NDRG3: variants seen among roughly 807,000 people sequenced by gnomAD.
NDRG3 encodes the protein protein NDRG3.
In NDRG3, 23 loss-of-function variants were observed where a neutral mutation model predicts 57.2. The ratio of observed to expected loss-of-function variants is 0.40; its 90% CI spans 0.29 to 0.57. The LOEUF (loss-of-function observed/expected upper bound fraction) is 0.57, where lower values mean the gene tolerates loss of function less well. Ranked by LOEUF, NDRG3 falls within the 20% of genes least tolerant of loss-of-function variation. The pLI is 0.42. For missense variants in NDRG3, 384 were observed against 457.3 expected (o/e 0.84, Z 1.46); for synonymous variants, 132 against 162.6 (o/e 0.81, Z 1.43).
chr20:36,670,460 A>T, intron 9 of NDRG3, among the ~76,000 whole-genome samples: 1 of 152,156 alleles, frequency 6.6e-6, no homozygotes, highest in East Asian at 1.9e-4. Flanking sequence ...GATGAAATAA[A>T]AGACTGTGGA....
At chr20:36,666,185 G>A (rs1242730073) in intron 10 of NDRG3, 104 bp downstream of exon 10, 33 of 827,170 alleles carry the variant, frequency 4.0e-5, no homozygotes, top group Non-Finnish European at 6.4e-5. Context: ...TTTTCACCTC[G>A]GAGAAGCTGG....
chr20:36,696,119 G>A lies in NDRG3; in HGVS notation c.94-7335C>T, dbSNP rs756771818. On this transcript the variant is annotated intron_variant, in intron 3 of 15. Coordinates refer to ENST00000349004, the MANE Select transcript of NDRG3 (RefSeq NM_032013.4). ...CTTCAACTTTGTTTTTTTTTGAGAT[G>A]GAGTTTCACTCTTGTTGCCCAGGCT... is the stretch of plus-strand genomic sequence containing the variant. Among the ~76,000 whole-genome samples, 137 of 152,056 alleles carry A rather than the reference G, an allele frequency of 9.0e-4. 1 individual carries two copies. Among genetic ancestry groups the A allele is most frequent in the Non-Finnish European group, 1.5e-3 (101 of 67,970 alleles).
At chr20:36,686,671 C>T (rs1164594601) in intron 5 of NDRG3, among the ~76,000 whole-genome samples, 1 of 152,198 alleles carries the variant, frequency 6.6e-6, no homozygotes, top group Non-Finnish European at 1.5e-5. Flanking sequence ...TAGGAGGAAG[C>T]TGAGAGTGCC....
chr20:36,736,024 T>C (rs1349923548), intron 1 of NDRG3, among the ~76,000 whole-genome samples: 3 of 120,652 alleles, frequency 2.5e-5, no homozygotes, highest in Non-Finnish European at 5.3e-5. Flanking sequence ...CCAAGAACAA[T>C]ATAGCTGGGA....
chr20:36,725,173 T>TCAG (rs1424433165), intron 1 of NDRG3, among the ~76,000 whole-genome samples: 1 of 152,056 alleles, frequency 6.6e-6, no homozygotes, highest in Non-Finnish European at 1.5e-5. Flanking sequence ...GGTGCACGCC[T>TCAG]GTAATCCCAG....
At chr20:36,713,515 T>C (rs1455169377) in intron 2 of NDRG3, among the ~76,000 whole-genome samples, 2 of 152,060 alleles carry the variant, frequency 1.3e-5, no homozygotes, top group African/African-American at 2.4e-5. Flanking sequence ...TTTCCTAACA[T>C]GAGATCTGGT....
At chr20:36,685,256 C>T (rs960854294) in intron 5 of NDRG3, among the ~76,000 whole-genome samples, 1 of 151,918 alleles carries the variant, frequency 6.6e-6, no homozygotes, top group Non-Finnish European at 1.5e-5. Context: ...TTATTTGTTT[C>T]ACTTAGGCAT....
chr20:36,735,907 G>T (rs1220189347), intron 1 of NDRG3, among the ~76,000 whole-genome samples: 1 of 151,098 alleles, frequency 6.6e-6, no homozygotes, highest in Non-Finnish European at 1.5e-5. Context: ...CCAGGGGGTG[G>T]AGGTTGCAGT....
In NDRG3 at chr20:36,721,772, A is replaced by G; in HGVS notation, c.-37T>C. The stretch of plus-strand genomic sequence containing the variant: ...ACGAGAGTAGAGGAATCTCAAGAAT[A>G]AATCAGTAACTCTGAAACAGAAAAG... On this transcript the variant is annotated 5_prime_UTR_variant, in exon 2 of 16. Transcript: ENST00000349004. 3 of 1,440,264 alleles carry G rather than the reference A, an allele frequency of 2.1e-6. No individual in the cohort carries two copies. The highest frequency in any genetic ancestry group is 2.9e-6 in the Non-Finnish European group (3 of 1,034,560). 89.2% of individuals were successfully genotyped at this position (1,440,264 alleles called of 1,614,324 possible).
At chr20:36,693,337 G>C (rs1982502895) in intron 3 of NDRG3, among the ~76,000 whole-genome samples, 1 of 150,786 alleles carries the variant, frequency 6.6e-6, no homozygotes, top group Non-Finnish European at 1.5e-5. Flanking sequence ...ACAAGGGTTA[G>C]TGGTGCCAAC....
At chr20:36,726,995 C>A (rs1279686682) in intron 1 of NDRG3, among the ~76,000 whole-genome samples, 1 of 151,416 alleles carries the variant, frequency 6.6e-6, no homozygotes, top group Non-Finnish European at 1.5e-5. Context: ...TGGCTCACTG[C>A]AACTTCCGCC....
intron 3 of NDRG3, among the ~76,000 whole-genome samples, chr20:36,691,661 C>T (rs577681089): frequency 1.3e-5 from 2 of 152,056 alleles, no homozygotes; most frequent in South Asian, 4.2e-4. Flanking sequence ...TACAGTGAGC[C>T]GAAATTGTGA....
intron 12 of NDRG3, among the ~76,000 whole-genome samples, chr20:36,660,961 A>G (rs1336758901): frequency 1.3e-5 from 2 of 152,234 alleles, no homozygotes; most frequent in Non-Finnish European, 2.9e-5. Flanking sequence ...AAAAAACTAC[A>G]AGCTGAATCT....
In NDRG3 at chr20:36,695,262, C is replaced by T. The variant is rs11907760; in HGVS notation, c.94-6478G>A. Among the ~76,000 whole-genome samples the T allele has an allele frequency of 6.7e-3, 1,017 of 152,178 alleles. 12 individuals are homozygous for T. Among genetic ancestry groups the T allele is most frequent in the African/African-American group, 0.022 (925 of 41,496 alleles). On this transcript the variant is annotated intron_variant, in intron 3 of 15. Transcript: ENST00000349004. ...TCGCCTCAGGACCCTGTGATGATTG[C>T]GTTAACTGCACAAATTGTTCGTAGA...
chr20:36,693,930 T>C (rs1982556186), intron 3 of NDRG3, among the ~76,000 whole-genome samples: 1 of 151,842 alleles, frequency 6.6e-6, no homozygotes. Flanking sequence ...CCCAAATACA[T>C]GGAAAAATTG....
intron 3 of NDRG3, among the ~76,000 whole-genome samples, chr20:36,699,846 C>A (rs1983092477): frequency 6.6e-6 from 1 of 151,860 alleles, no homozygotes; most frequent in Non-Finnish European, 1.5e-5. Flanking sequence ...GGAGGCCGGG[C>A]ACGGTGGCTC....
chr20:36,699,992 C>T (rs952722725), intron 3 of NDRG3, among the ~76,000 whole-genome samples: 1 of 151,452 alleles, frequency 6.6e-6, no homozygotes, highest in Admixed American at 6.6e-5. Context: ...CGGAGGCAAG[C>T]GCCTGTAATC....
rs142679927 is a variant in NDRG3 at position 36,699,404 on chromosome 20, G to C, written c.93+7568C>G. ...AGATATAAAGAATAAAGCGGGGGGA[G>C]GCAGCAAGAAAAAGGGAGAGAAGGA... is the stretch of plus-strand genomic sequence containing the variant. On this transcript the variant is annotated intron_variant, in intron 3 of 15. Coordinates refer to ENST00000349004, the MANE Select transcript of NDRG3 (RefSeq NM_032013.4). Among the ~76,000 whole-genome samples the C allele has an allele frequency of 4.4e-3, 664 of 152,240 alleles. 7 individuals are homozygous for C. The highest frequency in any genetic ancestry group is 0.015 in the African/African-American group (630 of 41,532).
intron 2 of NDRG3, among the ~76,000 whole-genome samples, chr20:36,708,745 C>G (rs1983698364): frequency 6.6e-6 from 1 of 151,890 alleles, no homozygotes; most frequent in Non-Finnish European, 1.5e-5. Flanking sequence ...TTAAAAAGCA[C>G]AGCCCAAGCC....
Sources: allele counts gnomAD v4.1 joint callset (sites outside exome capture counted in the v4.1 genomes callset), GRCh38; gene constraint gnomAD v4.1.1; transcripts MANE v1.5; gene names NCBI Gene and HGNC (gene_info 2026-07-23, HGNC 2026-07-21).